Variants in SGCD observed in about 807,000 individuals in gnomAD.
SGCD encodes delta-sarcoglycan.
Under a neutral mutation model 36.6 loss-of-function variants are expected in SGCD, and 18 were observed. That is an observed-to-expected ratio of 0.49 (90% confidence interval 0.34 to 0.73). The LOEUF (loss-of-function observed/expected upper bound fraction) is 0.73, where lower values mean the gene tolerates loss of function less well. SGCD is among the 30% of genes least tolerant of loss of function. The pLI, the probability that SGCD is intolerant of heterozygous loss-of-function variation, is 0.01. For synonymous variants in SGCD, 133 were observed against 130.6 expected (o/e 1.02, Z -0.12); for missense variants, 387 against 346.7 (o/e 1.12, Z -0.92).
chr5:156,235,087 T>A (rs1765122307), intron 3 of SGCD, among the ~76,000 whole-genome samples: 1 of 152,200 alleles, frequency 6.6e-6, no homozygotes, highest in African/African-American at 2.4e-5. Flanking sequence ...AGCCTGATAA[T>A]GTATGCTTTC....
rs1433099759 is a variant in SGCD, at chr5:156,132,456, GTC to G, written c.-44+8439_-44+8440del. ...AGCGGAACTGTGGCTAACTTACCAA[GTC>G]TTTTTTTTTTTTTTTTTTTTTTTTT... is the stretch of plus-strand genomic sequence containing the variant. On this transcript the variant is annotated intron_variant, in intron 3 of 9. Transcript: ENST00000517913. Among the ~76,000 whole-genome samples the G allele has an allele frequency of 7.5e-4, 55 of 73,580 alleles. 1 individual carries two copies. The highest frequency in any genetic ancestry group is 3.1e-3 in the African/African-American group (51 of 16,312). The allele number at this position is 73,580 out of a possible 152,430, so 48.3% of individuals were successfully genotyped here. A position where few individuals can be genotyped will look rare whatever the true frequency, so the allele number is the denominator to read the frequency against.
At chr5:155,802,796 G>A in the SGCD span, among the ~76,000 whole-genome samples, 1 of 152,146 alleles carries the variant, frequency 6.6e-6, no homozygotes, top group Non-Finnish European at 1.5e-5. Flanking sequence ...TATTTTTAGA[G>A]TTGGAGAAGA....
chr5:156,056,662 A>AAAAAAAAAC lies in SGCD; in HGVS notation c.-281-61213_-281-61212insAAAAACAAA, dbSNP rs1202073752. On this transcript the variant is annotated intron_variant, in intron 1 of 9. Transcript: ENST00000517913. ...ATTATCCTTAAAAAAAAAAAAAAAA[A>AAAAAAAAAC]AAACAGTCTCCAAATTTTCAGAGAG... 2.9e-4 allele frequency among the ~76,000 whole-genome samples: 41 copies of AAAAAAAAAC among 143,378 alleles called. 1 individual carries two copies. The highest frequency in any genetic ancestry group is 1.0e-3 in the African/African-American group (41 of 39,872). The allele number at this position is 143,378 out of a possible 152,430, so 94.1% of individuals were successfully genotyped here. A position where few individuals can be genotyped will look rare whatever the true frequency, so the allele number is the denominator to read the frequency against.
the SGCD span, among the ~76,000 whole-genome samples, chr5:155,792,433 CAAAAAA>C: frequency 3.2e-5 from 3 of 92,356 alleles, no homozygotes; most frequent in Non-Finnish European, 6.3e-5. Flanking sequence ...TTCTACATAG[CAAAAAA>C]AAAAAAAAAA....
At chr5:155,940,915 C>CCTGAT (rs1470378056) in intron 1 of SGCD, among the ~76,000 whole-genome samples, 28 of 152,154 alleles carry the variant, frequency 1.8e-4, no homozygotes, top group African/African-American at 6.7e-4. Flanking sequence ...TTGTTATTAT[C>CCTGAT]CTGATCATTT....
intron 1 of SGCD, among the ~76,000 whole-genome samples, chr5:155,917,634 C>G (rs1193201224): frequency 5.3e-5 from 8 of 151,992 alleles, no homozygotes; most frequent in African/African-American, 1.9e-4. Flanking sequence ...AGGCTTTTTC[C>G]TGGGAACTTT....
At chr5:155,827,953 A>T in the SGCD span, among the ~76,000 whole-genome samples, 2 of 151,296 alleles carry the variant, frequency 1.3e-5, no homozygotes, top group Non-Finnish European at 2.9e-5. Flanking sequence ...GGCCTCCCAA[A>T]GTGCTGAGAT....
intron 1 of SGCD, among the ~76,000 whole-genome samples, chr5:155,954,421 A>G (rs1757605938): frequency 6.6e-6 from 1 of 152,186 alleles, no homozygotes; most frequent in Non-Finnish European, 1.5e-5. Flanking sequence ...ACATGAATCA[A>G]TAAAAACAAA....
intron 3 of SGCD, among the ~76,000 whole-genome samples, chr5:156,214,251 G>A (rs1374849297): frequency 6.6e-6 from 1 of 151,934 alleles, no homozygotes; most frequent in Non-Finnish European, 1.5e-5. Context: ...AATGAATTTA[G>A]TAAATTTACA....
At chr5:155,900,798 T>C (rs569108076) in intron 1 of SGCD, among the ~76,000 whole-genome samples, 1 of 152,248 alleles carries the variant, frequency 6.6e-6, no homozygotes, top group South Asian at 2.1e-4. Flanking sequence ...TACATTTTTA[T>C]TATTCAATAA....
In SGCD at chr5:156,060,835, C is replaced by A. The variant is rs1188174307; in HGVS notation, c.-281-57043C>A. On this transcript the variant is annotated intron_variant, in intron 1 of 9. Coordinates refer to the SGCD transcript ENST00000517913. ...ATTAAATAATTTTACTTATTAAATG[C>A]ATTTAATTGAAGTGCTAGAAAATTT... Among the ~76,000 whole-genome samples the A allele has an allele frequency of 2.1e-5, 3 of 145,644 alleles. 1 individual carries two copies. The highest frequency in any genetic ancestry group is 4.6e-5 in the Non-Finnish European group (3 of 64,608).
At chr5:156,374,887 A>C (rs1770575912) in intron 3 of SGCD, among the ~76,000 whole-genome samples, 1 of 152,196 alleles carries the variant, frequency 6.6e-6, no homozygotes, top group Non-Finnish European at 1.5e-5. Context: ...TTCAGCTCTG[A>C]GAATAGCAAT....
chr5:156,169,391 C>T (rs1349182665), intron 3 of SGCD, among the ~76,000 whole-genome samples: 2 of 152,166 alleles, frequency 1.3e-5, no homozygotes, highest in African/African-American at 4.8e-5. Flanking sequence ...AGAAAGACAA[C>T]ATTTTTTATT....
intron 6 of SGCD, among the ~76,000 whole-genome samples, chr5:156,621,519 T>TA (rs11343685): frequency 0.053 from 7,945 of 150,464 alleles, 675 homozygotes; most frequent in African/African-American, 0.18. Flanking sequence ...GCATTTACGT[T>TA]AAAAAAAAAA....
intron 1 of SGCD, among the ~76,000 whole-genome samples, chr5:155,955,019 C>G (rs1162534421): frequency 1.3e-5 from 2 of 152,158 alleles, no homozygotes; most frequent in African/African-American, 4.8e-5. Context: ...CTTGCTCAAG[C>G]TGCCAGGAAG....
chr5:155,860,861 C>T, the SGCD span, among the ~76,000 whole-genome samples: 1 of 152,160 alleles, frequency 6.6e-6, no homozygotes, highest in East Asian at 1.9e-4. Context: ...AATTTGATAA[C>T]TGTCACAGAC....
chr5:156,303,377 G>T (rs1464879134), intron 3 of SGCD, among the ~76,000 whole-genome samples: 1 of 152,032 alleles, frequency 6.6e-6, no homozygotes, highest in East Asian at 1.9e-4. Flanking sequence ...CAAGGAATTG[G>T]GTTCACCTGT....
intron 3 of SGCD, among the ~76,000 whole-genome samples, chr5:156,308,051 AATTTCCCTTGT>A (rs1440522703): frequency 1.3e-5 from 2 of 152,180 alleles, no homozygotes; most frequent in African/African-American, 4.8e-5. Flanking sequence ...CAACTTTCCT[AATTTCCCTTGT>A]ATTTACCTTT....
chr5:156,316,847 G>A (rs895700060), intron 3 of SGCD, among the ~76,000 whole-genome samples: 5 of 152,052 alleles, frequency 3.3e-5, no homozygotes, highest in Non-Finnish European at 7.4e-5. Flanking sequence ...ATTGGAGGCA[G>A]AGACAGTAAA....
Sources: allele counts gnomAD v4.1 joint callset (sites outside exome capture counted in the v4.1 genomes callset), GRCh38; gene constraint gnomAD v4.1.1; transcripts MANE v1.5; gene names NCBI Gene and HGNC (gene_info 2026-07-23, HGNC 2026-07-21).